Variants in SPECC1 observed in about 807,000 individuals in gnomAD.
SPECC1 encodes sperm antigen with calponin homology and coiled-coil domains 1.
SPECC1 carries 62 observed loss-of-function variants against 104.1 expected under a neutral mutation model. The ratio of observed to expected loss-of-function variants is 0.60; its 90% CI spans 0.49 to 0.74. SPECC1 has a LOEUF of 0.74. SPECC1 is among the 30% of genes least tolerant of loss of function. The pLI, the probability that SPECC1 is intolerant of heterozygous loss-of-function variation, is 0.00. For synonymous variants in SPECC1, 513 were observed against 501.6 expected (o/e 1.02, Z -0.30); for missense variants, 1,306 against 1,310.5 (o/e 1.00, Z 0.05).
At chr17:20,056,822 G>GA (rs897739927) in intron 1 of SPECC1, among the ~76,000 whole-genome samples, 5 of 152,016 alleles carry the variant, frequency 3.3e-5, no homozygotes, top group Admixed American at 6.6e-5. Flanking sequence ...CCTCTGAAGA[G>GA]AAAAAAATAA....
At chr17:20,015,835 C>T (rs1427809827) in intron 1 of SPECC1, among the ~76,000 whole-genome samples, 2 of 150,462 alleles carry the variant, frequency 1.3e-5, no homozygotes, top group South Asian at 4.2e-4. Flanking sequence ...CCGCCCGCCT[C>T]GGCCTCCCAA....
At chr17:20,269,512 G>A (rs1307285126) in intron 12 of SPECC1, among the ~76,000 whole-genome samples, 2 of 152,072 alleles carry the variant, frequency 1.3e-5, no homozygotes, top group Admixed American at 6.6e-5. Flanking sequence ...CACAACCTCC[G>A]CTCCCGGGTT....
chr17:20,181,761 A>G (rs1403281118), intron 3 of SPECC1, among the ~76,000 whole-genome samples: 1 of 152,184 alleles, frequency 6.6e-6, no homozygotes, highest in African/African-American at 2.4e-5. Flanking sequence ...ACGTGAAAAA[A>G]AAATTCAATT....
intron 3 of SPECC1, among the ~76,000 whole-genome samples, chr17:20,131,913 A>G (rs998370323): frequency 1.3e-5 from 2 of 151,910 alleles, no homozygotes; most frequent in Non-Finnish European, 2.9e-5. Flanking sequence ...TGGCCTCCCA[A>G]AGTGCTGGGA....
intron 3 of SPECC1, among the ~76,000 whole-genome samples, chr17:20,142,431 C>T (rs1476220836): frequency 6.6e-6 from 1 of 152,148 alleles, no homozygotes; most frequent in Non-Finnish European, 1.5e-5. Flanking sequence ...TGTCCATCAA[C>T]AGATGCGTAG....
intron 10 of SPECC1, among the ~76,000 whole-genome samples, chr17:20,256,136 C>T (rs541675691): frequency 1.3e-5 from 2 of 152,280 alleles, no homozygotes; most frequent in South Asian, 4.1e-4. Flanking sequence ...CTCGGCCTCC[C>T]AAAGTGCTGG....
intron 1 of SPECC1, among the ~76,000 whole-genome samples, chr17:20,082,998 G>A (rs55633981): frequency 1.7e-3 from 221 of 126,454 alleles, no homozygotes; most frequent in Admixed American, 3.4e-3. Context: ...TCGTTCGTTC[G>A]TTCGTTCATT....
At chr17:20,161,402 T>A (rs1372535579) in intron 3 of SPECC1, among the ~76,000 whole-genome samples, 1 of 152,164 alleles carries the variant, frequency 6.6e-6, no homozygotes. Flanking sequence ...ACCTTTCACA[T>A]GGCTAGAACA....
chr17:20,311,105 T>G (rs1009851648), intron 14 of SPECC1, among the ~76,000 whole-genome samples: 10 of 130,762 alleles, frequency 7.6e-5, no homozygotes, highest in African/African-American at 3.1e-4. Flanking sequence ...AGTGGGGTTT[T>G]TTTTTTTTTT....
chr17:20,248,580 G>A (rs2039509734), intron 9 of SPECC1, among the ~76,000 whole-genome samples: 2 of 152,172 alleles, frequency 1.3e-5, no homozygotes, highest in South Asian at 4.1e-4. Flanking sequence ...TGAAGATCAA[G>A]TAAGTGAACA....
intron 3 of SPECC1, among the ~76,000 whole-genome samples, chr17:20,129,616 C>CA (rs764179146): frequency 5.3e-5 from 8 of 152,154 alleles, no homozygotes; most frequent in Non-Finnish European, 1.2e-4. Flanking sequence ...AACCTTATAA[C>CA]AGGGTCTTTC....
At chr17:20,291,344 A>G (rs527323619) in intron 12 of SPECC1, among the ~76,000 whole-genome samples, 2 of 152,372 alleles carry the variant, frequency 1.3e-5, no homozygotes, top group Non-Finnish European at 2.9e-5. Context: ...GGCAGTGTCC[A>G]CTGCAAATGG....
At chr17:20,156,279 C>CG in intron 3 of SPECC1, 2 of 1,213,654 alleles carry the variant, frequency 1.6e-6, no homozygotes, top group Non-Finnish European at 2.0e-6. Context: ...CGCAACCCCA[C>CG]CCCCCCTCCA....
chr17:20,225,192 C>G (rs912112972), intron 4 of SPECC1, among the ~76,000 whole-genome samples: 3 of 152,166 alleles, frequency 2.0e-5, no homozygotes. Flanking sequence ...TTACTCTTCC[C>G]TCTCCGCCCA....
At chr17:20,120,153 C>T (rs1457673938) in intron 3 of SPECC1, among the ~76,000 whole-genome samples, 2 of 152,096 alleles carry the variant, frequency 1.3e-5, no homozygotes, top group Admixed American at 6.5e-5. Flanking sequence ...TCTGGGAGGC[C>T]GAGGCAGGCG....
intron 3 of SPECC1, among the ~76,000 whole-genome samples, chr17:20,195,084 T>A (rs2035941759): frequency 6.6e-6 from 1 of 152,322 alleles, no homozygotes; most frequent in South Asian, 2.1e-4. Flanking sequence ...GTAACTCCTG[T>A]TTTGCTTGAT....
chr17:20,198,954 A>G (rs973944804), intron 3 of SPECC1, among the ~76,000 whole-genome samples: 6 of 151,834 alleles, frequency 4.0e-5, no homozygotes, highest in African/African-American at 1.5e-4. Context: ...TCTGTGATTG[A>G]TTTATAGTTC....
chr17:20,276,896 G>T (rs2040592313), intron 12 of SPECC1, among the ~76,000 whole-genome samples: 1 of 152,226 alleles, frequency 6.6e-6, no homozygotes, highest in Non-Finnish European at 1.5e-5. Context: ...CTCTTGCCAG[G>T]GCTGCTTTCT....
chr17:20,258,724 C>A (rs2039922207), intron 11 of SPECC1, among the ~76,000 whole-genome samples: 1 of 152,230 alleles, frequency 6.6e-6, no homozygotes, highest in Non-Finnish European at 1.5e-5. Flanking sequence ...AATCGTTTTT[C>A]TTTTCTCCTT....
Sources: gnomAD v4.1 joint callset for allele counts (sites outside exome capture counted in the v4.1 genomes callset) on GRCh38, gnomAD v4.1.1 for gene constraint, MANE v1.5 for transcripts, NCBI Gene and HGNC (gene_info 2026-07-23, HGNC 2026-07-21) for gene names.